The following PAX5 variants were observed in gnomAD, a reference collection of about 807,000 sequenced individuals.
PAX5 encodes paired box protein Pax-5.
PAX5 carries 9 observed loss-of-function variants against 43.7 expected under a neutral mutation model. The observed-to-expected ratio is 0.21, with a 90% CI of 0.12 to 0.36. The LOEUF (loss-of-function observed/expected upper bound fraction) is 0.36. Among genes scored for constraint, PAX5 ranks in the 10% least tolerant of loss-of-function variants. The pLI, the probability that PAX5 is intolerant of heterozygous loss-of-function variation, is 1.00. For missense variants in PAX5, 383 were observed against 532.7 expected (o/e 0.72, Z 2.77); for synonymous variants, 228 against 214.3 (o/e 1.06, Z -0.56).
chr9:36,863,697 G>C (rs144949345), intron 8 of PAX5, among the ~76,000 whole-genome samples: 1 of 151,816 alleles, frequency 6.6e-6, no homozygotes, highest in Non-Finnish European at 1.5e-5. Flanking sequence ...TGTGCAAGCC[G>C]ATGCCTCCAC....
chr9:36,982,413 G>A lies in PAX5; in HGVS notation c.605-15689C>T, dbSNP rs867946470. Among the ~76,000 whole-genome samples, 7 of 152,324 alleles carry A rather than the reference G, an allele frequency of 4.6e-5. No individual in the cohort carries two copies. The South Asian group carries it at 8.3e-4, about 18-fold the overall frequency. On this transcript the variant is annotated intron_variant, in intron 5 of 9. Transcript: ENST00000358127. Reference sequence around the variant, plus strand: ...TGGTCCCAAGCATAGCCCTGCCAGGGAACCCAGTCTCAGCCCTCAGGGAGC... The same window carrying A: ...TGGTCCCAAGCATAGCCCTGCCAGGAAACCCAGTCTCAGCCCTCAGGGAGC...
At chr9:37,012,583 G>C (rs968072039) in intron 3 of PAX5, among the ~76,000 whole-genome samples, 1 of 152,176 alleles carries the variant, frequency 6.6e-6, no homozygotes. Context: ...AAACATCAGC[G>C]GGCCCGTGAT....
chr9:36,926,939 G>A (rs1215305613), intron 6 of PAX5, among the ~76,000 whole-genome samples: 1 of 152,140 alleles, frequency 6.6e-6, no homozygotes, highest in African/African-American at 2.4e-5. Flanking sequence ...TGGTCAGGAA[G>A]GGTTTCTTGG....
At chr9:37,007,720 A>C (rs1206272536) in intron 3 of PAX5, 1 of 152,240 alleles carries the variant, frequency 6.6e-6, no homozygotes, top group East Asian at 1.9e-4. Flanking sequence ...ATATACGTTC[A>C]TTGTAGACTC....
At chr9:36,866,974 C>T (rs897387761) in intron 8 of PAX5, among the ~76,000 whole-genome samples, 5 of 151,266 alleles carry the variant, frequency 3.3e-5, no homozygotes, top group Admixed American at 1.3e-4. Flanking sequence ...GCAAGGCCCT[C>T]GGCTAGGGCC....
intron 8 of PAX5, among the ~76,000 whole-genome samples, chr9:36,865,871 C>G (rs76116734): frequency 6.6e-6 from 1 of 152,210 alleles, no homozygotes; most frequent in Non-Finnish European, 1.5e-5. Flanking sequence ...AGCAGTGAAG[C>G]GTGGGTCGCT....
At chr9:36,969,307 G>A (rs78358812) in intron 5 of PAX5, among the ~76,000 whole-genome samples, 4,960 of 152,176 alleles carry the variant, frequency 0.033, 95 homozygotes, top group South Asian at 0.045. Context: ...TCTAGGGGGC[G>A]TCTCTTCAGC....
intron 7 of PAX5, among the ~76,000 whole-genome samples, chr9:36,899,055 G>C (rs565873981): frequency 2.0e-5 from 3 of 152,252 alleles, no homozygotes; most frequent in African/African-American, 7.2e-5. Flanking sequence ...CTTTTCCCAA[G>C]CATCTCTACT....
At chr9:36,960,348 G>C (rs1244190511) in intron 6 of PAX5, among the ~76,000 whole-genome samples, 1 of 152,178 alleles carries the variant, frequency 6.6e-6, no homozygotes, top group Non-Finnish European at 1.5e-5. Flanking sequence ...CCCTGGGAGA[G>C]GCTGGGTCAT....
At chr9:36,888,369 A>G (rs1305830650) in intron 7 of PAX5, among the ~76,000 whole-genome samples, 1 of 152,280 alleles carries the variant, frequency 6.6e-6, no homozygotes, top group East Asian at 1.9e-4. Context: ...CAGCTCAGAT[A>G]TCCATCAATT....
At chr9:37,009,153 A>C (rs977066331) in intron 3 of PAX5, among the ~76,000 whole-genome samples, 8 of 152,256 alleles carry the variant, frequency 5.3e-5, no homozygotes, top group African/African-American at 1.9e-4. Context: ...ATTTTCTTTT[A>C]AAATAGTTAT....
chr9:36,911,233 A>C (rs561745324), intron 7 of PAX5, among the ~76,000 whole-genome samples: 45 of 152,320 alleles, frequency 3.0e-4, no homozygotes, highest in African/African-American at 1.1e-3. Flanking sequence ...GGGACTGTCC[A>C]CCAGGGGCAC....
At chr9:37,012,724 T>G (rs1196222927) in intron 3 of PAX5, among the ~76,000 whole-genome samples, 1 of 152,228 alleles carries the variant, frequency 6.6e-6, no homozygotes, top group Non-Finnish European at 1.5e-5. Context: ...ATAAGGCAAT[T>G]GTAGTTCCCT....
At chr9:36,898,922 G>T (rs771186548) in intron 7 of PAX5, among the ~76,000 whole-genome samples, 1 of 152,024 alleles carries the variant, frequency 6.6e-6, no homozygotes, top group Non-Finnish European at 1.5e-5. Flanking sequence ...GACACCCATC[G>T]CCACCGCAGC....
chr9:36,859,053 T>G (rs147266339), intron 8 of PAX5, among the ~76,000 whole-genome samples: 118 of 152,188 alleles, frequency 7.8e-4, no homozygotes, highest in Middle Eastern at 6.8e-3. Flanking sequence ...CCTCCACAAT[T>G]ACTACCAGGA....
At chr9:36,890,172 C>A (rs995709252) in intron 7 of PAX5, among the ~76,000 whole-genome samples, 2 of 152,126 alleles carry the variant, frequency 1.3e-5, no homozygotes, top group African/African-American at 4.8e-5. Context: ...GGGCACCAAC[C>A]AAACTCCCCC....
intron 8 of PAX5, 52 bp downstream of exon 8, chr9:36,881,952 A>G: frequency 7.3e-7 from 1 of 1,379,050 alleles, no homozygotes; most frequent in South Asian, 1.2e-5. Flanking sequence ...ATGTCCCCCC[A>G]CCGAAACCCC....
At chr9:37,029,672 T>A (rs997455849) in intron 1 of PAX5, among the ~76,000 whole-genome samples, 1 of 152,138 alleles carries the variant, frequency 6.6e-6, no homozygotes, top group Non-Finnish European at 1.5e-5. Flanking sequence ...ACATGGCGGC[T>A]TGCACACCTA....
In PAX5 at chr9:37,033,992, T is replaced by C. The variant is rs763290609; in HGVS notation, c.40A>G (p.Arg14Gly). 3 of 1,611,508 alleles carry C rather than the reference T, an allele frequency of 1.9e-6. No individual in the cohort carries two copies. Among genetic ancestry groups the C allele is most frequent in the South Asian group, 1.1e-5 (1 of 90,842 alleles). Residue 14 changes from arginine (R) to glycine (G), a missense_variant, in exon 1 of 10, where the codon AGG (arginine) becomes GGG (glycine). Arg to Gly is a moderately radical substitution (Grantham distance 125, BLOSUM62 -2). Around this residue, in one of 5 missense-constraint regions of PAX5, gnomAD observed 54 missense variants for 68.6 expected, o/e 0.79. Coordinates refer to ENST00000358127, the MANE Select transcript of PAX5 (RefSeq NM_016734.3). Reference sequence around the variant, plus strand: ...GCCCGTATCGCGGTCCTACCTGTCCTGCTGGTCCGAGGAGTCGGATAATTT... The same window carrying C: ...GCCCGTATCGCGGTCCTACCTGTCCCGCTGGTCCGAGGAGTCGGATAATTT... ...EKNYPTPRTS[R>G]TGHGGVNQLG...
Sources: allele counts gnomAD v4.1 joint callset (sites outside exome capture counted in the v4.1 genomes callset), GRCh38; gene constraint gnomAD v4.1.1; regional missense constraint gnomAD v4.1.1; transcripts MANE v1.5; gene names NCBI Gene and HGNC (gene_info 2026-07-23, HGNC 2026-07-21).